The following CENPU variants were observed in gnomAD, a reference collection of about 807,000 sequenced individuals.
The protein encoded by CENPU is centromere protein U, also known as KSHV latent nuclear antigen interacting protein 1.
CENPU carries 46 observed loss-of-function variants against 56.7 expected under a neutral mutation model. That is an observed-to-expected ratio of 0.81 (90% CI 0.64 to 1.04). CENPU has a LOEUF of 1.04. Among genes scored for constraint, CENPU ranks in the 50% least tolerant of loss-of-function variants. The probability of loss-of-function intolerance (pLI) is 0.00; values close to 1 mark genes in which losing one functional copy is unlikely to be tolerated. For missense variants in CENPU, 510 were observed against 490.1 expected, an observed-to-expected ratio of 1.04 and a Z score of -0.38; for synonymous variants, 166 against 163.0, an observed-to-expected ratio of 1.02 and a Z score of -0.14.
intron 4 of CENPU, among the ~76,000 whole-genome samples, chr4:184,718,292 G>T (rs1356880730): frequency 6.6e-6 from 1 of 152,244 alleles, no homozygotes; most frequent in African/African-American, 2.4e-5. Context: ...GCAGTGGGTT[G>T]TTCAGAACCG....
At chr4:184,714,235 CCAG>C (rs1761017068) in intron 6 of CENPU, among the ~76,000 whole-genome samples, 1 of 152,140 alleles carries the variant, frequency 6.6e-6, no homozygotes, top group Non-Finnish European at 1.5e-5. Context: ...GAATTTGTCA[CCAG>C]CAGACCTGCC....
At chr4:184,707,147 A>G (rs888498491) in intron 8 of CENPU, among the ~76,000 whole-genome samples, 1 of 151,248 alleles carries the variant, frequency 6.6e-6, no homozygotes, top group Admixed American at 6.5e-5. Context: ...ATGAGTTGGC[A>G]TGACAGGCTG....
At chr4:184,731,072 AAG>A in intron 1 of CENPU, 104 bp from the exon 2 acceptor site, 1 of 654,958 alleles carries the variant, frequency 1.5e-6, no homozygotes. Context: ...AAAAAAAAAC[AAG>A]AACCCATATT....
At chr4:184,696,883 C>CT (rs11356233) in intron 12 of CENPU, among the ~76,000 whole-genome samples, 68,637 of 142,818 alleles carry the variant, frequency 0.48, 19,428 homozygotes, top group Non-Finnish European at 0.65. Context: ...TGTTCCTTAA[C>CT]TTTTTTTTTT....
chr4:184,718,747 T>C (rs1561140273), intron 4 of CENPU, among the ~76,000 whole-genome samples: 1 of 152,148 alleles, frequency 6.6e-6, no homozygotes, highest in Non-Finnish European at 1.5e-5. Context: ...CCAAGACTGA[T>C]TGCCCAGATT....
rs778622679 is a variant in CENPU, at chr4:184,713,044, G to C, written c.619-31C>G. On this transcript the variant is annotated intron_variant, in intron 6 of 12. Transcript: ENST00000281453. The stretch of plus-strand genomic sequence containing the variant: ...AAAAAAAAAAGCATTAAGTTTTTAA[G>C]AAAAGTTTTCTTTCTCTTAAAACAT... The C allele has an allele frequency of 6.4e-6, 9 of 1,409,842 alleles. No homozygotes were observed. In the South Asian group the frequency reaches 1.1e-4, roughly 17 times the overall value. The allele number at this position is 1,409,842 out of a possible 1,614,324, so 87.3% of individuals were successfully genotyped here.
Position 184,733,935 on chromosome 4 carries a change from G to A in CENPU, c.47+81C>T, listed in dbSNP as rs938120439. 73 of 1,579,842 alleles carry A rather than the reference G, an allele frequency of 4.6e-5. No individual in the cohort carries two copies. The South Asian group carries it at 4.6e-4, about 10-fold the overall frequency. Reference sequence around the variant, plus strand: ...TCCACAGTGGAGCACCAACAGCGCCGGGAGGCGCAAACCACGGCAGGCGAG... The same window carrying A: ...TCCACAGTGGAGCACCAACAGCGCCAGGAGGCGCAAACCACGGCAGGCGAG... On this transcript the variant is annotated intron_variant, in intron 1 of 12. Transcript: ENST00000281453.
Position 184,704,291 on chromosome 4 carries a change from A to AT in CENPU, c.798-1851dup, listed in dbSNP as rs559826596. Among the ~76,000 whole-genome samples the AT allele has an allele frequency of 2.3e-3, 343 of 152,082 alleles. 3 individuals are homozygous for AT. Among genetic ancestry groups the AT allele is most frequent in the Admixed American group, 4.6e-3 (70 of 15,260 alleles). The stretch of plus-strand genomic sequence containing the variant: ...AGGTCTCATTATGTTGCCCAGGCTC[A>AT]TTTTTTATCTTTTATACTGTATTTT... On this transcript the variant is annotated intron_variant, in intron 8 of 12. Transcript: ENST00000281453.
intron 1 of CENPU, among the ~76,000 whole-genome samples, chr4:184,731,180 G>T (rs1280577928): frequency 6.6e-6 from 1 of 152,124 alleles, no homozygotes; most frequent in Non-Finnish European, 1.5e-5. Context: ...GAATCCTGCT[G>T]TTAACTTTTT....
Position 184,734,041 on chromosome 4 carries a change from G to T in CENPU, c.22C>A (p.Arg8=), listed in dbSNP as rs750010281. The T allele has an allele frequency of 6.3e-7, 1 of 1,577,562 alleles. No homozygotes were observed. The change falls in exon 1 of 13, where the codon CGG becomes AGG. Residue 8 remains arginine, a synonymous_variant. Coordinates refer to ENST00000281453, the MANE Select transcript of CENPU (RefSeq NM_024629.4). The part of the protein sequence containing the change: MAPRGRR[R]PRPHRSEGAR... The stretch of plus-strand genomic sequence containing the variant: ...CCCTCAGACCTGTGAGGCCGCGGCC[G>T]CCGCCGCCCCCGCGGGGCCATGGTG...
chr4:184,716,679 G>A (rs1249069681), intron 5 of CENPU, 46 bp from the exon 6 acceptor site: 5 of 1,392,356 alleles, frequency 3.6e-6, no homozygotes, highest in African/African-American at 1.4e-5. Context: ...AAATAGAAAT[G>A]CTTATAATTC....
At chr4:184,703,817 T>TA (rs1760627179) in intron 8 of CENPU, among the ~76,000 whole-genome samples, 1 of 152,170 alleles carries the variant, frequency 6.6e-6, no homozygotes, top group African/African-American at 2.4e-5. Flanking sequence ...CATGACCACA[T>TA]AACAATGTCT....
chr4:184,702,217 T>A, intron 9 of CENPU, 81 bp from the exon 10 acceptor site: 1 of 1,284,584 alleles, frequency 7.8e-7, no homozygotes, highest in Non-Finnish European at 1.1e-6. Context: ...ACATTTAGTT[T>A]AAAAACAGTT....
At chr4:184,696,578 A>G (rs548223843) in intron 12 of CENPU, among the ~76,000 whole-genome samples, 1 of 152,282 alleles carries the variant, frequency 6.6e-6, no homozygotes, top group East Asian at 1.9e-4. Flanking sequence ...TGGATCTCTA[A>G]TATATACACA....
At chr4:184,695,873 A>C (rs1579748703) in intron 12 of CENPU, among the ~76,000 whole-genome samples, 1 of 152,358 alleles carries the variant, frequency 6.6e-6, no homozygotes, top group South Asian at 2.1e-4. Context: ...AGAAAACCCA[A>C]ATCTATCATC....
At position 184,695,093 on chromosome 4, in the gene CENPU, T is replaced by C. The variant is rs113547036; in HGVS notation, c.*195A>G. ...TCAAGATATTAACCAGAAAAGATGA[T>C]TATGGCCTTTAAAACTATTGGACAA... is the stretch of plus-strand genomic sequence containing the variant. On this transcript the variant is annotated 3_prime_UTR_variant, in exon 13 of 13. Transcript: ENST00000281453. 1 of 551,672 alleles carries C rather than the reference T, an allele frequency of 1.8e-6. No homozygotes were observed. Among genetic ancestry groups the C allele is most frequent in the Non-Finnish European group, 3.2e-6 (1 of 310,106 alleles). The allele number at this position is 551,672 out of a possible 1,614,324, so 34.2% of individuals were successfully genotyped here. A position where few individuals can be genotyped will look rare whatever the true frequency, so the allele number is the denominator to read the frequency against.
intron 7 of CENPU, among the ~76,000 whole-genome samples, chr4:184,711,662 G>A (rs925062937): frequency 3.9e-5 from 6 of 152,062 alleles, no homozygotes; most frequent in African/African-American, 1.5e-4. Context: ...TTAAACTTCT[G>A]GTAGGAGTAT....
At chr4:184,716,682 T>A in intron 5 of CENPU, 49 bp from the exon 6 acceptor site, 1 of 1,363,802 alleles carries the variant, frequency 7.3e-7, no homozygotes, top group Non-Finnish European at 1.0e-6. Context: ...TAGAAATGCT[T>A]ATAATTCTTA....
intron 4 of CENPU, among the ~76,000 whole-genome samples, chr4:184,724,219 T>C (rs967803867): frequency 2.6e-5 from 4 of 152,150 alleles, no homozygotes; most frequent in Admixed American, 6.5e-5. Flanking sequence ...TGAGCCCAGA[T>C]TGAGCCACTG....
Sources: allele counts gnomAD v4.1 joint callset (sites outside exome capture counted in the v4.1 genomes callset), GRCh38; gene constraint gnomAD v4.1.1; transcripts MANE v1.5; gene names NCBI Gene and HGNC (gene_info 2026-07-23, HGNC 2026-07-21).